The following CTDSPL2 variants were observed in gnomAD, a reference collection of about 807,000 sequenced individuals.
CTDSPL2 encodes the protein CTD small phosphatase like 2, also known as CTD small phosphatase-like protein 2.
In CTDSPL2, 5 loss-of-function variants were observed where a neutral mutation model predicts 60.0. The ratio of observed to expected loss-of-function variants is 0.08; its 90% confidence interval spans 0.04 to 0.18. CTDSPL2 has a LOEUF of 0.18. Among genes scored for constraint, CTDSPL2 ranks in the 10% least tolerant of loss-of-function variants. CTDSPL2 has a pLI of 1.00. For synonymous variants in CTDSPL2, 186 were observed against 189.3 expected, an observed-to-expected ratio of 0.98 and a Z score of 0.14; for missense variants, 370 against 548.8, an observed-to-expected ratio of 0.67 and a Z score of 3.26.
chr15:44,468,503 C>T (rs143561580), intron 2 of CTDSPL2, among the ~76,000 whole-genome samples: 85 of 152,230 alleles, frequency 5.6e-4, no homozygotes, highest in African/African-American at 2.0e-3. Context: ...TTGATTTCCA[C>T]TATTTTCAGT....
intron 2 of CTDSPL2, among the ~76,000 whole-genome samples, chr15:44,473,595 G>A (rs1404424920): frequency 1.3e-5 from 2 of 151,328 alleles, no homozygotes; most frequent in African/African-American, 2.4e-5. Flanking sequence ...GCGCCCAGCC[G>A]TATCCCTAGA....
chr15:44,464,003 G>A (rs764315359), intron 2 of CTDSPL2, among the ~76,000 whole-genome samples: 12 of 152,008 alleles, frequency 7.9e-5, no homozygotes, highest in Non-Finnish European at 1.3e-4. Flanking sequence ...AGACCAATAC[G>A]ACAGCTTTTA....
At chr15:44,475,233 A>G (rs2080892379) in intron 2 of CTDSPL2, among the ~76,000 whole-genome samples, 1 of 152,078 alleles carries the variant, frequency 6.6e-6, no homozygotes, top group Admixed American at 6.6e-5. Context: ...GTGGGAGGGC[A>G]TGCTTCTTTT....
At chr15:44,450,799 T>C (rs1854283642) in intron 1 of CTDSPL2, among the ~76,000 whole-genome samples, 1 of 151,950 alleles carries the variant, frequency 6.6e-6, no homozygotes, top group South Asian at 2.1e-4. Flanking sequence ...CGTTTCACCA[T>C]GTTGGCCAGG....
At chr15:44,428,376 G>A (rs1315900111) in intron 1 of CTDSPL2, among the ~76,000 whole-genome samples, 1 of 152,192 alleles carries the variant, frequency 6.6e-6, no homozygotes. Flanking sequence ...CAGTTAAAGA[G>A]TGAACCTTAT....
At chr15:44,508,540 G>A (rs1197627552) in intron 8 of CTDSPL2, among the ~76,000 whole-genome samples, 4 of 152,190 alleles carry the variant, frequency 2.6e-5, no homozygotes, top group Non-Finnish European at 4.4e-5. Flanking sequence ...ATGATTCCTT[G>A]GATTCATCAT....
intron 4 of CTDSPL2, among the ~76,000 whole-genome samples, chr15:44,487,476 A>C (rs2081141272): frequency 1.3e-5 from 2 of 152,150 alleles, no homozygotes; most frequent in Admixed American, 6.5e-5. Flanking sequence ...CGTAAAAAAA[A>C]ATAAAAAGAA....
At chr15:44,496,697 T>C (rs952227837) in intron 6 of CTDSPL2, among the ~76,000 whole-genome samples, 2 of 151,974 alleles carry the variant, frequency 1.3e-5, no homozygotes, top group African/African-American at 4.8e-5. Flanking sequence ...CTCGTCCCTA[T>C]AAAAAATACA....
chr15:44,495,627 A>G (rs767042372), intron 5 of CTDSPL2, among the ~76,000 whole-genome samples: 7 of 151,610 alleles, frequency 4.6e-5, no homozygotes, highest in Non-Finnish European at 7.4e-5. Context: ...CAAAGGGCTC[A>G]TGAACTTTTT....
chr15:44,440,675 A>G (rs990783593), intron 1 of CTDSPL2, among the ~76,000 whole-genome samples: 5 of 150,784 alleles, frequency 3.3e-5, no homozygotes, highest in Non-Finnish European at 7.4e-5. Flanking sequence ...TTTTTAATTC[A>G]TCTTGATTTC....
At chr15:44,517,368 T>C (rs1260238179) in intron 10 of CTDSPL2, 1 of 150,528 alleles carries the variant, frequency 6.6e-6, no homozygotes, top group Non-Finnish European at 1.5e-5. Flanking sequence ...AAAAATTAGC[T>C]GGGCATGGTG....
At chr15:44,473,039 A>G (rs1239944418) in intron 2 of CTDSPL2, among the ~76,000 whole-genome samples, 1 of 152,010 alleles carries the variant, frequency 6.6e-6, no homozygotes, top group Non-Finnish European at 1.5e-5. Flanking sequence ...TTAAGAGATC[A>G]TCCTACCTTG....
chr15:44,498,149 A>G (rs538903809), intron 7 of CTDSPL2, among the ~76,000 whole-genome samples: 1 of 152,272 alleles, frequency 6.6e-6, no homozygotes, highest in African/African-American at 2.4e-5. Context: ...TACTTTTTTT[A>G]AGGCTAGTAA....
chr15:44,491,622 T>C (rs961915871), intron 5 of CTDSPL2, among the ~76,000 whole-genome samples: 1 of 152,202 alleles, frequency 6.6e-6, no homozygotes, highest in Non-Finnish European at 1.5e-5. Context: ...GAAATAAAAC[T>C]GAAGAAGGCC....
rs58423202 is a variant in CTDSPL2, at chr15:44,427,674, G to A, written c.-123G>A. The A allele has an allele frequency of 4.0e-5, 16 of 399,462 alleles. No individual in the cohort carries two copies. In the South Asian group the frequency reaches 2.0e-3, roughly 51 times the overall value. 24.7% of individuals were successfully genotyped at this position (399,462 alleles called of 1,614,324 possible). A position where few individuals can be genotyped will look rare whatever the true frequency, so the allele number is the denominator to read the frequency against. The stretch of plus-strand genomic sequence containing the variant: ...AAATGGCGACTGGCTGAAGGAGCTG[G>A]TTCTGTTGCTGCTGCGGGGTAAGCG... On this transcript the variant is annotated 5_prime_UTR_variant, in exon 1 of 13. Coordinates refer to ENST00000260327, the MANE Select transcript of CTDSPL2 (RefSeq NM_016396.3).
chr15:44,502,055 T>C, intron 8 of CTDSPL2: 1 of 446,008 alleles, frequency 2.2e-6, no homozygotes, highest in South Asian at 1.6e-5. Context: ...TTAGGTAAGA[T>C]GTAACTTAAA....
chr15:44,499,760 C>T lies in CTDSPL2; in HGVS notation c.916C>T (p.Leu306=), dbSNP rs1251516098. The T allele has an allele frequency of 6.2e-7, 1 of 1,606,650 alleles. No homozygotes were observed. The highest frequency in any genetic ancestry group is 1.1e-5 in the South Asian group (1 of 90,530). Residue 306 remains leucine (L), a synonymous_variant, in exon 8 of 13, where the codon CTA becomes TTA. Transcript: ENST00000260327. ...ACTAGTGCATTGTAGTCTAAATGAG[C>T]TAGAAGATGCAGCACTTACTTTTCC... ...ETLVHCSLNE[L]EDAALTFPVL... is the part of the protein sequence containing the mutation.
chr15:44,441,604 C>CG (rs1244076489), intron 1 of CTDSPL2, among the ~76,000 whole-genome samples: 1 of 152,098 alleles, frequency 6.6e-6, no homozygotes, highest in African/African-American at 2.4e-5. Flanking sequence ...TGTTTCTTCC[C>CG]GTGGTCTACC....
At chr15:44,459,995 C>A (rs1323610054) in intron 2 of CTDSPL2, among the ~76,000 whole-genome samples, 1 of 152,166 alleles carries the variant, frequency 6.6e-6, no homozygotes, top group South Asian at 2.1e-4. Context: ...TCATTTACCC[C>A]CCAAGCCTCA....
Sources: allele counts gnomAD v4.1 joint callset (sites outside exome capture counted in the v4.1 genomes callset), GRCh38; gene constraint gnomAD v4.1.1; transcripts MANE v1.5; gene names NCBI Gene and HGNC (gene_info 2026-07-23, HGNC 2026-07-21).